Variants in DNAH9 observed in about 807,000 individuals in gnomAD.
The protein encoded by DNAH9 is dynein axonemal heavy chain 9.
DNAH9 carries 345 observed loss-of-function variants against 471.6 expected under a neutral mutation model. That is an observed-to-expected ratio of 0.73 (90% CI 0.67 to 0.80). The LOEUF is 0.80. DNAH9 is among the 30% of genes least tolerant of loss of function. The pLI, the probability that DNAH9 is intolerant of heterozygous loss-of-function variation, is 0.00. For missense variants in DNAH9, 5,407 were observed against 5,609.2 expected (o/e 0.96, Z 1.15); for synonymous variants, 2,093 against 2,123.6 (o/e 0.99, Z 0.40).
intron 45 of DNAH9, among the ~76,000 whole-genome samples, chr17:11,814,781 A>G (rs1970037157): frequency 6.6e-6 from 1 of 152,216 alleles, no homozygotes; most frequent in Admixed American, 6.5e-5. Context: ...CTTTAGGATT[A>G]GAGCTAGGGT....
rs2072519453 is a variant in DNAH9 at position 11,606,813 on chromosome 17, T to G, written c.418-1316T>G. Among the ~76,000 whole-genome samples the G allele has an allele frequency of 3.3e-5, 5 of 152,300 alleles. No individual in the cohort carries two copies. The South Asian group carries it at 1.0e-3, about 32-fold the overall frequency. On this transcript the variant is annotated intron_variant, in intron 1 of 68. Transcript: ENST00000262442. ...CAAACAAAGTTACCAAGACTTGGTC[T>G]TTCTCCATCTGTAAGCACTCTCCTC... is the stretch of plus-strand genomic sequence containing the variant.
chr17:11,748,174 A>T (rs936334232), intron 32 of DNAH9, among the ~76,000 whole-genome samples: 6 of 128,088 alleles, frequency 4.7e-5, no homozygotes, highest in African/African-American at 1.6e-4. Flanking sequence ...AAAAAAAAAA[A>T]AAATCAGCTG....
At chr17:11,672,294 A>T (rs763513202) in intron 17 of DNAH9, among the ~76,000 whole-genome samples, 68 of 152,126 alleles carry the variant, frequency 4.5e-4, no homozygotes, top group Admixed American at 7.9e-4. Context: ...AGACCTCAGG[A>T]TCTTACAGCA....
intron 27 of DNAH9, 91 bp from the exon 28 acceptor site, chr17:11,727,727 G>C (rs2075180590): frequency 2.5e-6 from 2 of 814,266 alleles, no homozygotes; most frequent in African/African-American, 1.7e-5. Flanking sequence ...GGGACTAGAA[G>C]TATCTATAAT....
At chr17:11,806,738 G>A (rs1445525483) in intron 43 of DNAH9, among the ~76,000 whole-genome samples, 2 of 152,110 alleles carry the variant, frequency 1.3e-5, no homozygotes, top group Non-Finnish European at 2.9e-5. Context: ...ATTCACATCA[G>A]TAGTGTTTAT....
At chr17:11,832,977 C>T (rs749662724) in intron 48 of DNAH9, among the ~76,000 whole-genome samples, 4 of 152,140 alleles carry the variant, frequency 2.6e-5, no homozygotes, top group African/African-American at 4.8e-5. Context: ...TCAGAGTCAC[C>T]GTTAAAACAG....
Position 11,948,224 on chromosome 17 carries a change from C to CTTTTTTT in DNAH9, c.12843+5756_12843+5762dup, listed in dbSNP as rs1211322234. Among the ~76,000 whole-genome samples the CTTTTTTT allele has an allele frequency of 1.6e-4, 14 of 86,748 alleles. 1 individual carries two copies. Among genetic ancestry groups the CTTTTTTT allele is most frequent in the African/African-American group, 5.3e-4 (10 of 19,032 alleles). 56.9% of individuals were successfully genotyped at this position (86,748 alleles called of 152,430 possible). A position where few individuals can be genotyped will look rare whatever the true frequency, so the allele number is the denominator to read the frequency against. On this transcript the variant is annotated intron_variant, in intron 67 of 68. Transcript: ENST00000262442. Reference sequence around the variant, plus strand: ...TGCTGACTGGGGATCTAATCTGGCTCTTTTTTTTTTTTTTTTTTTTTTTGA... The same window carrying CTTTTTTT: ...TGCTGACTGGGGATCTAATCTGGCTCTTTTTTTTTTTTTTTTTTTTTTTTTTTTTTGA...
intron 48 of DNAH9, among the ~76,000 whole-genome samples, chr17:11,827,868 T>G (rs1345014611): frequency 6.6e-6 from 1 of 152,086 alleles, no homozygotes; most frequent in Admixed American, 6.5e-5. Context: ...GTATTTTTAG[T>G]AGAGATGGGG....
In DNAH9 at chr17:11,694,446, A is replaced by C. The variant is rs747049461; in HGVS notation, c.4871A>C (p.Gln1624Pro). The stretch of plus-strand genomic sequence containing the variant: ...CTTTCCAACGGCACAGCTCCACAAC[A>C]GGTAAGCTGGAGGAGCATCTGCAGA... ...DILSNGTAPQ[Q>P]VQRHLSKLFD... is the part of the protein sequence containing the mutation. The change falls in exon 22 of 69, where the codon CAG (glutamine) becomes CCG (proline). Residue 1624 changes from glutamine to proline, a missense_variant and splice_region_variant. Physicochemically the swap from Gln to Pro is moderately conservative, Grantham distance 76. Coordinates refer to ENST00000262442, the MANE Select transcript of DNAH9 (RefSeq NM_001372.4). 3.1e-6 allele frequency: 5 copies of C among 1,612,842 alleles called. 1 individual carries two copies. The Admixed American group carries it at 8.4e-5, about 27-fold the overall frequency.
At chr17:11,941,347 T>A (rs1974901062) in intron 66 of DNAH9, among the ~76,000 whole-genome samples, 1 of 152,160 alleles carries the variant, frequency 6.6e-6, no homozygotes. Context: ...CCTCTCTCCC[T>A]CTGTCCCAAC....
At chr17:11,923,073 T>TTTG (rs1974187594) in intron 61 of DNAH9, among the ~76,000 whole-genome samples, 2 of 99,894 alleles carry the variant, frequency 2.0e-5, no homozygotes, top group Admixed American at 1.1e-4. Flanking sequence ...TTTGTTTTGG[T>TTTG]TTTTGTTTTG....
chr17:11,953,091 T>G (rs1013980169), intron 67 of DNAH9, among the ~76,000 whole-genome samples: 1 of 152,154 alleles, frequency 6.6e-6, no homozygotes, highest in South Asian at 2.1e-4. Flanking sequence ...TGACGTCACT[T>G]AACCTTAATT....
chr17:11,675,086 G>A (rs1357342255), intron 17 of DNAH9, among the ~76,000 whole-genome samples: 2 of 152,078 alleles, frequency 1.3e-5, no homozygotes, highest in African/African-American at 4.8e-5. Flanking sequence ...GAATATTCTT[G>A]TCCAAGAACA....
chr17:11,743,593 G>A (rs2075464420), intron 30 of DNAH9, among the ~76,000 whole-genome samples: 1 of 152,154 alleles, frequency 6.6e-6, no homozygotes, highest in Non-Finnish European at 1.5e-5. Flanking sequence ...CCTGTCGTGT[G>A]ATGCTCCATC....
Position 11,598,755 on chromosome 17 carries a change from G to A in DNAH9, c.257G>A (p.Gly86Glu). Residue 86 changes from glycine to glutamate, a missense_variant, in exon 1 of 69, where the codon GGG (glycine) becomes GAG (glutamate). By Grantham distance (98) the Gly-to-Glu change is moderately conservative (BLOSUM62 -2). Transcript: ENST00000262442. ...CCCAGGGGCCTGGCAATACGCCCCG[G>A]GCTGGAGGTGGGACCTGAGTCGGGC... The part of the protein sequence containing the change: ...PGPRGLAIRP[G>E]LEVGPESGLA... 7.0e-7 allele frequency: 1 copy of A among 1,435,736 alleles called. No homozygotes were observed. The highest frequency in any genetic ancestry group is 9.1e-7 in the Non-Finnish European group (1 of 1,100,384). The allele number at this position is 1,435,736 out of a possible 1,614,324, so 88.9% of individuals were successfully genotyped here.
At chr17:11,928,279 C>T (rs952895481) in intron 62 of DNAH9, among the ~76,000 whole-genome samples, 3 of 152,076 alleles carry the variant, frequency 2.0e-5, no homozygotes, top group Non-Finnish European at 2.9e-5. Flanking sequence ...TCCTACAAAA[C>T]CCTTTCAAAT....
intron 45 of DNAH9, among the ~76,000 whole-genome samples, chr17:11,812,818 T>C (rs1210516777): frequency 6.6e-6 from 1 of 152,208 alleles, no homozygotes; most frequent in South Asian, 2.1e-4. Flanking sequence ...CATCACCTTC[T>C]GCAATAGTGT....
At chr17:11,691,190 A>G (rs981304431) in intron 20 of DNAH9, among the ~76,000 whole-genome samples, 2 of 152,190 alleles carry the variant, frequency 1.3e-5, no homozygotes, top group African/African-American at 4.8e-5. Context: ...GCTAATCCCA[A>G]AAAGCATATT....
chr17:11,872,042 G>GT (rs1972286889), intron 52 of DNAH9, among the ~76,000 whole-genome samples: 1 of 152,092 alleles, frequency 6.6e-6, no homozygotes, highest in Non-Finnish European at 1.5e-5. Flanking sequence ...CCTCTTCCCC[G>GT]CGGGCTGTCT....
Sources: gnomAD v4.1 joint callset for allele counts (sites outside exome capture counted in the v4.1 genomes callset) on GRCh38, gnomAD v4.1.1 for gene constraint, MANE v1.5 for transcripts, NCBI Gene and HGNC (gene_info 2026-07-23, HGNC 2026-07-21) for gene names.